RPS6KA2: variants seen among roughly 807,000 people sequenced by gnomAD.
RPS6KA2 encodes ribosomal protein S6 kinase A2.
RPS6KA2 carries 42 observed loss-of-function variants against 91.8 expected under a neutral mutation model. The observed-to-expected ratio is 0.46, with a 90% CI of 0.36 to 0.59. The LOEUF is 0.59. RPS6KA2 is among the 20% of genes least tolerant of loss of function. The probability of loss-of-function intolerance (pLI) is 0.00; values close to 1 mark genes in which losing one functional copy is unlikely to be tolerated. For synonymous variants in RPS6KA2, 414 were observed against 393.6 expected (o/e 1.05, Z -0.61); for missense variants, 798 against 978.5 (o/e 0.82, Z 2.46).
chr6:166,722,375 G>GA (rs1436987917), intron 2 of RPS6KA2, among the ~76,000 whole-genome samples: 1 of 152,218 alleles, frequency 6.6e-6, no homozygotes, highest in Non-Finnish European at 1.5e-5. Context: ...GAAAGTGATG[G>GA]AAAAATGGAG....
chr6:166,702,767 C>G, intron 2 of RPS6KA2: 1 of 1,202,052 alleles, frequency 8.3e-7, no homozygotes, highest in Non-Finnish European at 1.2e-6. Context: ...GGGATCTTGG[C>G]GTCCTTCAAG....
intron 2 of RPS6KA2, among the ~76,000 whole-genome samples, chr6:166,664,295 G>A (rs1788253497): frequency 6.6e-6 from 1 of 152,210 alleles, no homozygotes; most frequent in Admixed American, 6.5e-5. Context: ...ACTGAGCCCA[G>A]TGAGCTCACA....
chr6:166,574,584 C>T (rs1200505464), intron 1 of RPS6KA2, among the ~76,000 whole-genome samples: 5 of 152,286 alleles, frequency 3.3e-5, no homozygotes, highest in Middle Eastern at 3.4e-3. Flanking sequence ...GTTGATTCCA[C>T]GTCTGTGCTA....
chr6:166,672,770 C>A (rs567978249), intron 2 of RPS6KA2, among the ~76,000 whole-genome samples: 1 of 152,206 alleles, frequency 6.6e-6, no homozygotes, highest in Non-Finnish European at 1.5e-5. Context: ...TCCCAGGGAG[C>A]CTGCTGCTTC....
intron 1 of RPS6KA2, among the ~76,000 whole-genome samples, chr6:166,617,511 T>C (rs1786456563): frequency 6.6e-6 from 1 of 152,226 alleles, no homozygotes; most frequent in Non-Finnish European, 1.5e-5. Context: ...AGAAACCCAA[T>C]GCCAGCACCA....
chr6:166,729,967 C>T (rs1356233534), intron 2 of RPS6KA2, among the ~76,000 whole-genome samples: 1 of 152,174 alleles, frequency 6.6e-6, no homozygotes, highest in African/African-American at 2.4e-5. Context: ...GGTTTTTCTC[C>T]ACCTTTTTTC....
chr6:166,746,007 G>A (rs1404785103), intron 2 of RPS6KA2, among the ~76,000 whole-genome samples: 1 of 152,218 alleles, frequency 6.6e-6, no homozygotes, highest in African/African-American at 2.4e-5. Context: ...TGAGCCAGCG[G>A]TGCTGCTGTG....
intron 1 of RPS6KA2, among the ~76,000 whole-genome samples, chr6:166,585,111 C>G (rs796601443): frequency 6.6e-6 from 1 of 152,096 alleles, no homozygotes. Flanking sequence ...GCAGGAAGCT[C>G]GAGTTTCAAA....
At chr6:166,711,404 C>CAA (rs1307053789) in intron 2 of RPS6KA2, among the ~76,000 whole-genome samples, 3 of 138,848 alleles carry the variant, frequency 2.2e-5, no homozygotes, top group Non-Finnish European at 4.7e-5. Flanking sequence ...AGATCTCAAA[C>CAA]AGAAAAAAAA....
intron 2 of RPS6KA2, 22 bp downstream of exon 2, chr6:166,538,646 A>G (rs766658726): frequency 7.4e-7 from 1 of 1,346,634 alleles, no homozygotes; most frequent in Non-Finnish European, 1.1e-6. Flanking sequence ...GAGACTCAAG[A>G]GACAGCCAGG....
intron 2 of RPS6KA2, among the ~76,000 whole-genome samples, chr6:166,674,967 C>T (rs1320504902): frequency 6.6e-6 from 1 of 152,190 alleles, no homozygotes; most frequent in African/African-American, 2.4e-5. Flanking sequence ...CTGTGCCTGG[C>T]GAAAAGACAA....
intron 2 of RPS6KA2, among the ~76,000 whole-genome samples, chr6:166,828,971 A>G (rs1336393011): frequency 2.6e-5 from 4 of 152,240 alleles, no homozygotes; most frequent in Non-Finnish European, 5.9e-5. Context: ...ACCTCCTACA[A>G]CTTAATAACC....
rs928084938 is a variant in RPS6KA2, at chr6:166,733,030, T to G, written c.123+125170A>C. ...TTTGCCCAGTTTTGCATCGGATTTC[T>G]GGAGGTTTGGGACCCTCTTTGCAGA... is the stretch of plus-strand genomic sequence containing the variant. On this transcript the variant is annotated intron_variant, in intron 2 of 21. Transcript: ENST00000503859. This position sits in a 1 kb window ranked among gnomAD's most constrained non-coding sequence, Gnocchi z 4.1. Among the ~76,000 whole-genome samples, 1 of 152,182 alleles carries G rather than the reference T, an allele frequency of 6.6e-6. No homozygotes were observed. Among genetic ancestry groups the G allele is most frequent in the African/African-American group, 2.4e-5 (1 of 41,434 alleles).
At chr6:166,504,672 T>A in intron 5 of RPS6KA2, 60 bp from the exon 6 acceptor site, 1 of 1,252,730 alleles carries the variant, frequency 8.0e-7, no homozygotes, top group Non-Finnish European at 1.1e-6. Flanking sequence ...ATGGCTGGTG[T>A]GTTTTAAAGA....
intron 2 of RPS6KA2, among the ~76,000 whole-genome samples, chr6:166,806,035 T>TAA (rs1270538071): frequency 6.6e-6 from 1 of 152,108 alleles, no homozygotes; most frequent in Non-Finnish European, 1.5e-5. Flanking sequence ...AGAATCCACA[T>TAA]ATTTAAGGAT....
At chr6:166,467,985 G>T (rs1032212212) in intron 11 of RPS6KA2, among the ~76,000 whole-genome samples, 1 of 152,282 alleles carries the variant, frequency 6.6e-6, no homozygotes, top group Non-Finnish European at 1.5e-5. Context: ...GATGCAACAT[G>T]CTGTGACCCC....
intron 11 of RPS6KA2, among the ~76,000 whole-genome samples, chr6:166,468,948 C>T (rs1322448457): frequency 6.6e-6 from 1 of 151,734 alleles, no homozygotes; most frequent in African/African-American, 2.4e-5. Context: ...AAAAGTGTTC[C>T]ATTAAAATCT....
intron 2 of RPS6KA2, chr6:166,702,224 A>G: frequency 6.2e-7 from 1 of 1,611,040 alleles, no homozygotes; most frequent in Non-Finnish European, 8.5e-7. Context: ...TTGGGTGGGA[A>G]CCAGCAGGCA....
At chr6:166,621,120 T>C (rs1389803612) in intron 1 of RPS6KA2, among the ~76,000 whole-genome samples, 1 of 152,242 alleles carries the variant, frequency 6.6e-6, no homozygotes, top group African/African-American at 2.4e-5. Flanking sequence ...AGGGCTCTCA[T>C]ATCAGTAGCA....
Sources: gnomAD v4.1 joint callset for allele counts (sites outside exome capture counted in the v4.1 genomes callset) on GRCh38, gnomAD v4.1.1 for gene constraint, Gnocchi (gnomAD v3.1) non-coding constraint, MANE v1.5 for transcripts, NCBI Gene and HGNC (gene_info 2026-07-23, HGNC 2026-07-21) for gene names.